The following EYS variants were observed in gnomAD, a reference collection of about 807,000 sequenced individuals.
The protein encoded by EYS is EGF-like photoreceptor maintenance factor.
A neutral mutation model predicts 282.1 loss-of-function variants in EYS; 250 were observed. That is an observed-to-expected ratio of 0.89 (90% CI 0.80 to 0.98). The LOEUF is 0.98. EYS is among the 50% of genes least tolerant of loss of function. The pLI is 0.00. For synonymous variants in EYS, 1,355 were observed against 1,282.9 expected (o/e 1.06, Z -1.20); for missense variants, 4,016 against 3,709.0 (o/e 1.08, Z -2.15).
intron 33 of EYS, among the ~76,000 whole-genome samples, chr6:64,036,895 G>A (rs902340012): frequency 7.9e-5 from 12 of 152,084 alleles, no homozygotes; most frequent in Non-Finnish European, 1.3e-4. Flanking sequence ...ATTTGAACTC[G>A]GGACCATCTA....
intron 30 of EYS, 26 bp from the exon 31 acceptor site, chr6:64,230,850 A>G: frequency 7.2e-7 from 1 of 1,386,602 alleles, no homozygotes; most frequent in South Asian, 1.3e-5. Context: ...AGACAAGAAA[A>G]CAAAATATAA....
chr6:64,751,648 C>G (rs1309954127), intron 22 of EYS, among the ~76,000 whole-genome samples: 1 of 152,226 alleles, frequency 6.6e-6, no homozygotes, highest in Non-Finnish European at 1.5e-5. Flanking sequence ...ATATACCCAT[C>G]TCTTTCAGCC....
chr6:64,358,114 A>G (rs1469565580), intron 29 of EYS, among the ~76,000 whole-genome samples: 1 of 151,592 alleles, frequency 6.6e-6, no homozygotes, highest in Non-Finnish European at 1.5e-5. Context: ...TCTGTACTGA[A>G]TTCTTTCTGT....
chr6:65,590,293 C>T (rs2127367322), intron 2 of EYS, among the ~76,000 whole-genome samples: 1 of 152,126 alleles, frequency 6.6e-6, no homozygotes, highest in Non-Finnish European at 1.5e-5. Flanking sequence ...AGCAGAATAT[C>T]CTGCTGCCTA....
chr6:64,927,494 A>G (rs1768555595), intron 15 of EYS, among the ~76,000 whole-genome samples: 1 of 152,152 alleles, frequency 6.6e-6, no homozygotes, highest in Non-Finnish European at 1.5e-5. Flanking sequence ...AAATACAGAA[A>G]TAAAACTTTT....
rs753907840 is a variant in EYS at position 64,366,535 on chromosome 6, A to T, written c.6078+22155T>A. 5.9e-4 allele frequency among the ~76,000 whole-genome samples: 89 copies of T among 152,110 alleles called. 1 individual carries two copies. The highest frequency in any genetic ancestry group is 1.3e-4 in the Admixed American group (2 of 15,246). ...TTTGCAAACAATTTATTTTCTGTACATAAAATAAATTGATATCTAAGAGTG... is the reference window on the plus strand; with the variant it reads ...TTTGCAAACAATTTATTTTCTGTACTTAAAATAAATTGATATCTAAGAGTG... On this transcript the variant is annotated intron_variant, in intron 29 of 42. Transcript: ENST00000503581.
In EYS at chr6:64,438,799, G is replaced by C. The variant is rs1024048302; in HGVS notation, c.5835+363C>G. Among the ~76,000 whole-genome samples, 5 of 151,628 alleles carry C rather than the reference G, an allele frequency of 3.3e-5. No individual in the cohort carries two copies. The South Asian group carries it at 1.0e-3, about 31-fold the overall frequency. On this transcript the variant is annotated intron_variant, in intron 27 of 42. Coordinates refer to ENST00000503581, the MANE Select transcript of EYS (RefSeq NM_001142800.2). ...TCTTAAGAACACTCTCTTGTCTTCT[G>C]AATGATATTCTAATTAGGTATATTT...
At chr6:65,526,629 C>A (rs186798757) in intron 2 of EYS, among the ~76,000 whole-genome samples, 1 of 152,156 alleles carries the variant, frequency 6.6e-6, no homozygotes, top group African/African-American at 2.4e-5. Flanking sequence ...CACGGTGAAA[C>A]CCCGTCTCTA....
chr6:65,390,912 A>T lies in EYS; in HGVS notation c.1185-6412T>A, dbSNP rs1457848932. Among the ~76,000 whole-genome samples the T allele has an allele frequency of 2.0e-5, 3 of 149,270 alleles. No homozygotes were observed. In the Admixed American group the frequency reaches 2.0e-4, roughly 10 times the overall value. ...AAAATAAAAAAATAAAGAAAAAAAA[A>T]TACATTGTGGATACTTGGAAAATAT... On this transcript the variant is annotated intron_variant, in intron 7 of 42. Coordinates refer to ENST00000503581, the MANE Select transcript of EYS (RefSeq NM_001142800.2).
At chr6:64,127,490 A>G (rs1349211308) in intron 31 of EYS, among the ~76,000 whole-genome samples, 3 of 152,090 alleles carry the variant, frequency 2.0e-5, no homozygotes, top group Non-Finnish European at 4.4e-5. Context: ...AAACTAGGTT[A>G]TTTCTTTTCT....
At chr6:65,465,059 T>A (rs1313446524) in intron 5 of EYS, among the ~76,000 whole-genome samples, 4 of 152,122 alleles carry the variant, frequency 2.6e-5, no homozygotes, top group South Asian at 2.1e-4. Flanking sequence ...AAAATATAAT[T>A]TAGATAATAG....
chr6:63,788,237 T>G lies in EYS; in HGVS notation c.7591A>C (p.Lys2531Gln), dbSNP rs1037212478. ...CCTGGGGCGATAATGGATTTATTTT[T>G]ATGATCATCTACCTTCGAAAGGGAA... is the stretch of plus-strand genomic sequence containing the variant. ...QEGWLKVDDH[K>Q]NKSIIAPGRL... Residue 2531 changes from lysine (K) to glutamine (Q), a missense_variant, in exon 39 of 43, where the codon AAA becomes CAA. Physicochemically the swap from Lys to Gln is moderately conservative, Grantham distance 53. Coordinates refer to ENST00000503581, the MANE Select transcript of EYS (RefSeq NM_001142800.2). The G allele has an allele frequency of 6.5e-7, 1 of 1,535,556 alleles. No individual in the cohort carries two copies. The highest frequency in any genetic ancestry group is 1.7e-4 in the Middle Eastern group (1 of 5,962).
intron 35 of EYS, among the ~76,000 whole-genome samples, chr6:63,905,293 A>C (rs1393487890): frequency 6.7e-6 from 1 of 149,218 alleles, no homozygotes; most frequent in African/African-American, 2.5e-5. Context: ...TTTAGAGAGG[A>C]TGTAGCCAGT....
At chr6:64,514,085 C>T (rs760316806) in intron 26 of EYS, among the ~76,000 whole-genome samples, 1 of 151,708 alleles carries the variant, frequency 6.6e-6, no homozygotes, top group Non-Finnish European at 1.5e-5. Flanking sequence ...ATTGATATCA[C>T]ACTATGTCTC....
At chr6:63,771,113 A>G (rs766403952) in intron 40 of EYS, among the ~76,000 whole-genome samples, 4 of 152,170 alleles carry the variant, frequency 2.6e-5, no homozygotes, top group Non-Finnish European at 4.4e-5. Context: ...TGCACTCAGA[A>G]TTCCTATTAA....
At chr6:65,277,307 C>A (rs748254968) in intron 12 of EYS, among the ~76,000 whole-genome samples, 2 of 151,990 alleles carry the variant, frequency 1.3e-5, no homozygotes, top group Admixed American at 6.6e-5. Flanking sequence ...TTGGCACAAA[C>A]CTGTAGTCCC....
intron 12 of EYS, among the ~76,000 whole-genome samples, chr6:65,151,645 G>T (rs993368409): frequency 2.0e-5 from 3 of 151,922 alleles, no homozygotes; most frequent in African/African-American, 7.2e-5. Context: ...ATGTTCTATA[G>T]CATGTTTCAT....
intron 26 of EYS, among the ~76,000 whole-genome samples, chr6:64,460,834 C>G (rs1258731972): frequency 6.6e-6 from 1 of 152,096 alleles, no homozygotes; most frequent in Non-Finnish European, 1.5e-5. Flanking sequence ...ATGTGATTTT[C>G]AACTCTTCAT....
chr6:65,002,843 A>G (rs1423180467), intron 13 of EYS, among the ~76,000 whole-genome samples: 8 of 147,462 alleles, frequency 5.4e-5, no homozygotes, highest in Non-Finnish European at 1.1e-4. Flanking sequence ...CTTTACTGCA[A>G]TCTCTAAACA....
Sources: allele counts gnomAD v4.1 joint callset (sites outside exome capture counted in the v4.1 genomes callset), GRCh38; gene constraint gnomAD v4.1.1; transcripts MANE v1.5; gene names NCBI Gene and HGNC (gene_info 2026-07-23, HGNC 2026-07-21).